The following LGALS2 variants were observed in gnomAD, a reference collection of about 807,000 sequenced individuals.
LGALS2 encodes the protein galectin 2, also known as galectin-2.
LGALS2 carries 7 observed loss-of-function variants against 10.1 expected under a neutral mutation model. The ratio of observed to expected loss-of-function variants is 0.70; its 90% CI spans 0.40 to 1.31. LGALS2 has a LOEUF of 1.31. Among genes scored for constraint, LGALS2 ranks in the 50% most tolerant of loss-of-function variants. The pLI, the probability that LGALS2 is intolerant of heterozygous loss-of-function variation, is 0.01. For missense variants in LGALS2, 167 were observed against 163.6 expected, an observed-to-expected ratio of 1.02 and a Z score of -0.11; for synonymous variants, 86 against 64.2, an observed-to-expected ratio of 1.34 and a Z score of -1.63.
Position 37,576,409 on chromosome 22 carries a change from G to A in LGALS2, c.6+3491C>T, listed in dbSNP as rs1473505740. On this transcript the variant is annotated intron_variant, in intron 1 of 3. Transcript: ENST00000215886. Reference sequence around the variant, plus strand: ...GGTGCTTGCAGTGAGCCAAGATGGCGCCACTGCACTCCAGCCTGGGCGACA... The same window carrying A: ...GGTGCTTGCAGTGAGCCAAGATGGCACCACTGCACTCCAGCCTGGGCGACA... 4.9e-5 allele frequency among the ~76,000 whole-genome samples: 7 copies of A among 144,310 alleles called. No homozygotes were observed. The South Asian group carries it at 8.6e-4, about 18-fold the overall frequency. The allele number at this position is 144,310 out of a possible 152,430, so 94.7% of individuals were successfully genotyped here. A position where few individuals can be genotyped will look rare whatever the true frequency, so the allele number is the denominator to read the frequency against.
intron 1 of LGALS2, among the ~76,000 whole-genome samples, chr22:37,575,156 G>A (rs1206702126): frequency 1.3e-5 from 2 of 151,086 alleles, no homozygotes; most frequent in African/African-American, 4.9e-5. Flanking sequence ...AAAGTTCTGG[G>A]ATTATAGGGG....
At position 37,570,729 on chromosome 22, in the gene LGALS2, T is replaced by TA; in HGVS notation, c.95dup (p.Ile33AsnfsTer2). The TA allele has an allele frequency of 6.2e-7, 1 of 1,614,198 alleles. No homozygotes were observed. Among genetic ancestry groups the TA allele is most frequent in the South Asian group, 1.1e-5 (1 of 91,072 alleles). Reference sequence around the variant, plus strand: ...TGTCTGTCCCCTGGCCCAGATTAATTACAAAGCTGCAGGAGAAGGGGTAGC... The same window carrying TA: ...TGTCTGTCCCCTGGCCCAGATTAATTAACAAAGCTGCAGGAGAAGGGGTAGC... On this transcript the variant is annotated frameshift_variant, in exon 3 of 4. Coordinates refer to ENST00000215886, the MANE Select transcript of LGALS2 (RefSeq NM_006498.3). LOFTEE classifies it high-confidence loss of function.
At chr22:37,571,725 T>G in intron 2 of LGALS2, 124 bp downstream of exon 2, 1 of 739,084 alleles carries the variant, frequency 1.4e-6, no homozygotes, top group Non-Finnish European at 2.4e-6. Flanking sequence ...GAGAAGGGTG[T>G]GAAAAAGGGC....
intron 1 of LGALS2, among the ~76,000 whole-genome samples, chr22:37,572,596 T>G (rs1925533319): frequency 6.6e-6 from 1 of 151,676 alleles, no homozygotes; most frequent in African/African-American, 2.4e-5. Flanking sequence ...TGAAACCCCA[T>G]CTCTACTAAA....
chr22:37,577,352 CTT>C (rs35255946), intron 1 of LGALS2, among the ~76,000 whole-genome samples: 11 of 136,724 alleles, frequency 8.0e-5, no homozygotes, highest in Admixed American at 2.2e-4. Flanking sequence ...TCAATGTGAC[CTT>C]TTTTTTTTTT....
intron 1 of LGALS2, among the ~76,000 whole-genome samples, chr22:37,576,702 G>A (rs567039661): frequency 6.6e-6 from 1 of 152,160 alleles, no homozygotes; most frequent in South Asian, 2.1e-4. Flanking sequence ...CAACAGTCAG[G>A]CCAGGATAGG....
In LGALS2 at chr22:37,570,296, C is replaced by G; in HGVS notation, c.366G>C (p.Gly122=). ...TTAACTTGAAAGAGGACATGTTGAA[C>G]CCGCCCCTTACGCTCAGGTAGCTCA... ...SHLSYLSVRG[G]FNMSSFKLKE Residue 122 remains glycine (G), a synonymous_variant, in exon 4 of 4, where the codon GGG becomes GGC. Coordinates refer to ENST00000215886, the MANE Select transcript of LGALS2 (RefSeq NM_006498.3). 6.2e-7 allele frequency: 1 copy of G among 1,611,930 alleles called. No homozygotes were observed. Among genetic ancestry groups the G allele is most frequent in the Middle Eastern group, 1.7e-4 (1 of 6,040 alleles).
At chr22:37,572,025 G>A (rs1925514120) in intron 1 of LGALS2, 94 bp from the exon 2 acceptor site, 1 of 1,026,474 alleles carries the variant, frequency 9.7e-7, no homozygotes, top group Non-Finnish European at 1.5e-6. Context: ...CAACCCAGCT[G>A]CAGGTCTCAA....
At chr22:37,572,049 G>C in intron 1 of LGALS2, 118 bp from the exon 2 acceptor site, 1 of 806,260 alleles carries the variant, frequency 1.2e-6, no homozygotes, top group East Asian at 2.6e-5. Flanking sequence ...CCCTGCCCAC[G>C]TGAGGACGCA....
Position 37,571,986 on chromosome 22 carries a change from C to T in LGALS2, c.7-55G>A, listed in dbSNP as rs923062765. The T allele has an allele frequency of 1.4e-5, 21 of 1,455,824 alleles. No homozygotes were observed. The African/African-American group carries it at 2.8e-4, about 19-fold the overall frequency. The allele number at this position is 1,455,824 out of a possible 1,614,324, so 90.2% of individuals were successfully genotyped here. On this transcript the variant is annotated intron_variant, in intron 1 of 3. Coordinates refer to ENST00000215886, the MANE Select transcript of LGALS2 (RefSeq NM_006498.3). ...GTCCCCACAGAAAATCAATCCCACA[C>T]TTGCCCAGCAGCTTCATCCACCTCA...
chr22:37,571,934 G>C lies in LGALS2; in HGVS notation c.7-3C>G. ...ATGTTCTTAACCTCAAGTTCCCCCT[G>C]GGCCAACAGAGAAACATTCCACTCG... On this transcript the variant is annotated splice_region_variant and splice_polypyrimidine_tract_variant and intron_variant, in intron 1 of 3. Coordinates refer to ENST00000215886, the MANE Select transcript of LGALS2 (RefSeq NM_006498.3). The C allele has an allele frequency of 6.2e-7, 1 of 1,613,062 alleles. No individual in the cohort carries two copies. Among genetic ancestry groups the C allele is most frequent in the Non-Finnish European group, 8.5e-7 (1 of 1,179,072 alleles).
At chr22:37,572,468 C>T (rs1348132471) in intron 1 of LGALS2, among the ~76,000 whole-genome samples, 2 of 151,792 alleles carry the variant, frequency 1.3e-5, no homozygotes, top group African/African-American at 4.8e-5. Flanking sequence ...CTCGTCTCTA[C>T]TAAAAATAAA....
chr22:37,572,405 G>A (rs1271082153), intron 1 of LGALS2, among the ~76,000 whole-genome samples: 1 of 152,120 alleles, frequency 6.6e-6, no homozygotes, highest in Non-Finnish European at 1.5e-5. Flanking sequence ...GCCGAGGCGG[G>A]CTGATCACCT....
At chr22:37,579,360 C>G (rs1449153555) in intron 1 of LGALS2, among the ~76,000 whole-genome samples, 1 of 151,904 alleles carries the variant, frequency 6.6e-6, no homozygotes, top group Non-Finnish European at 1.5e-5. Context: ...TCATTTAAGC[C>G]AAGGAGGTCA....
chr22:37,576,184 G>T (rs1925667048), intron 1 of LGALS2, among the ~76,000 whole-genome samples: 1 of 152,108 alleles, frequency 6.6e-6, no homozygotes, highest in South Asian at 2.1e-4. Flanking sequence ...CAGGGGCGGT[G>T]GCTCACACCT....
chr22:37,579,998 A>T lies in LGALS2; in HGVS notation c.-93T>A. On this transcript the variant is annotated 5_prime_UTR_variant, in exon 1 of 4. Coordinates refer to ENST00000215886, the MANE Select transcript of LGALS2 (RefSeq NM_006498.3). The stretch of plus-strand genomic sequence containing the variant: ...TCAAGCTTATATCCTAGAATATTAC[A>T]CATTAACTCCCTCAAGGTCCTAGGT... 2.2e-6 allele frequency: 3 copies of T among 1,379,594 alleles called. No homozygotes were observed. The South Asian group carries it at 3.7e-5, about 17-fold the overall frequency. The allele number at this position is 1,379,594 out of a possible 1,614,324, so 85.5% of individuals were successfully genotyped here. A position where few individuals can be genotyped will look rare whatever the true frequency, so the allele number is the denominator to read the frequency against.
chr22:37,576,978 C>T lies in LGALS2; in HGVS notation c.6+2922G>A, dbSNP rs1925701337. ...AGGCAGAACTGGGTGGGGGTGTGGT[C>T]GTCCCTAGAGCTGGGGGGGTGGGGA... On this transcript the variant is annotated intron_variant, in intron 1 of 3. Transcript: ENST00000215886. 3.5e-5 allele frequency among the ~76,000 whole-genome samples: 4 copies of T among 115,448 alleles called. No homozygotes were observed. In the South Asian group the frequency reaches 9.1e-4, roughly 26 times the overall value. The allele number at this position is 115,448 out of a possible 152,430, so 75.7% of individuals were successfully genotyped here.
At chr22:37,576,383 C>A (rs1006705757) in intron 1 of LGALS2, among the ~76,000 whole-genome samples, 3 of 145,348 alleles carry the variant, frequency 2.1e-5, no homozygotes, top group Non-Finnish European at 4.4e-5. Context: ...ACCCGGGAGG[C>A]GGTGCTTGCA....
intron 1 of LGALS2, among the ~76,000 whole-genome samples, chr22:37,574,410 G>A (rs1569182316): frequency 6.6e-6 from 1 of 151,532 alleles, no homozygotes; most frequent in Non-Finnish European, 1.5e-5. Flanking sequence ...CAGCTACTTG[G>A]GAGGCTGAGG....
Sources: allele counts gnomAD v4.1 joint callset (sites outside exome capture counted in the v4.1 genomes callset), GRCh38; gene constraint gnomAD v4.1.1; transcripts MANE v1.5; gene names NCBI Gene and HGNC (gene_info 2026-07-23, HGNC 2026-07-21).